ATF3: variants seen among roughly 807,000 people sequenced by gnomAD.
ATF3 encodes activating transcription factor 3.
A neutral mutation model predicts 18.4 loss-of-function variants in ATF3; 10 were observed. The ratio of observed to expected loss-of-function variants is 0.54; its 90% CI spans 0.34 to 0.92. The LOEUF (loss-of-function observed/expected upper bound fraction) is 0.92. Among genes scored for constraint, ATF3 ranks in the 40% least tolerant of loss-of-function variants. The pLI, the probability that ATF3 is intolerant of heterozygous loss-of-function variation, is 0.02. For missense variants in ATF3, 183 were observed against 222.3 expected (o/e 0.82, Z 1.12); for synonymous variants, 78 against 87.9 (o/e 0.89, Z 0.63).
At chr1:212,567,179 C>G (rs1476193319) in intron 1 of ATF3, among the ~76,000 whole-genome samples, 1 of 151,214 alleles carries the variant, frequency 6.6e-6, no homozygotes, top group East Asian at 1.9e-4. Context: ...TTTTTTGAAG[C>G]CCCAGGCACT....
chr1:212,598,758 C>G (rs1173810171), intron 1 of ATF3, among the ~76,000 whole-genome samples: 1 of 152,190 alleles, frequency 6.6e-6, no homozygotes, highest in Non-Finnish European at 1.5e-5. Context: ...TAAAGACCTT[C>G]AGTTTCATCC....
upstream of ATF3, among the ~76,000 whole-genome samples, chr1:212,603,774 ATATG>A (rs1177687036): frequency 1.2e-5 from 1 of 81,946 alleles, no homozygotes; most frequent in Admixed American, 9.3e-5. Context: ...GTGTGTATAT[ATATG>A]TGTGTGTGTG....
At chr1:212,608,235 C>T (rs886894623), upstream of ATF3, among the ~76,000 whole-genome samples, 7 of 152,230 alleles carry the variant, frequency 4.6e-5, no homozygotes, top group Non-Finnish European at 8.8e-5. Flanking sequence ...TTTCCTGAAG[C>T]TCCAGAAAAT....
rs75652943 is a variant in ATF3, at chr1:212,571,076, C to A, written c.-5+5593C>A. Reference sequence around the variant, plus strand: ...AAAGGTGTTATACCATTGTACACTCCCACCAACAATGCATGAGAATTCAGT... The same window carrying A: ...AAAGGTGTTATACCATTGTACACTCACACCAACAATGCATGAGAATTCAGT... On this transcript the variant is annotated intron_variant, in intron 1 of 3. Transcript: ENST00000366981. Among the ~76,000 whole-genome samples, 631 of 152,284 alleles carry A rather than the reference C, an allele frequency of 4.1e-3. 5 individuals carry two copies. Among genetic ancestry groups the A allele is most frequent in the African/African-American group, 0.015 (604 of 41,554 alleles).
chr1:212,595,674 C>T (rs3122722), intron 1 of ATF3, among the ~76,000 whole-genome samples: 143,904 of 152,320 alleles, frequency 0.94, 68,334 homozygotes, highest in Middle Eastern at 0.99. Context: ...AGAAAAGGTG[C>T]GTCCACGGCT....
At chr1:212,577,492 T>C (rs60521851) in intron 1 of ATF3, among the ~76,000 whole-genome samples, 14,700 of 152,160 alleles carry the variant, frequency 0.097, 1,635 homozygotes, top group African/African-American at 0.28. Flanking sequence ...TGTGGTACAG[T>C]AGATCTCAAA....
chr1:212,619,541 A>G lies in ATF3; in HGVS notation c.532A>G (p.Thr178Ala), dbSNP rs1321247820. ...CTTTATCCAACAGATAAAAGAAGGA[A>G]CATTGCAGAGCTAAGCAGTCGTGGT... Reference protein sequence around the residue: ...NLFIQQIKEGTLQS With the variant: ...NLFIQQIKEGALQS Residue 178 changes from threonine to alanine, a missense_variant, in exon 4 of 4, where the codon ACA becomes GCA. By Grantham distance (58) the Thr-to-Ala change is moderately conservative. Transcript: ENST00000341491. The surrounding 1 kb of genome is among the most constrained non-coding windows in gnomAD (Gnocchi z 4.4). 6.2e-7 allele frequency: 1 copy of G among 1,614,174 alleles called. No individual in the cohort carries two copies. The highest frequency in any genetic ancestry group is 8.5e-7 in the Non-Finnish European group (1 of 1,180,002).
chr1:212,612,727 T>C (rs11571534), intron 1 of ATF3, among the ~76,000 whole-genome samples: 5,106 of 152,270 alleles, frequency 0.034, 136 homozygotes, highest in Middle Eastern at 0.051. Flanking sequence ...GCAGATTTCA[T>C]TGGCCTGGAA....
chr1:212,578,067 C>G (rs2102624873), intron 1 of ATF3, among the ~76,000 whole-genome samples: 1 of 152,342 alleles, frequency 6.6e-6, no homozygotes, highest in African/African-American at 2.4e-5. Context: ...GTTTCCTTTT[C>G]TCCACATCCT....
In ATF3 at chr1:212,599,805, T is replaced by C. The variant is rs137979497; in HGVS notation, c.-4-15213T>C. Among the ~76,000 whole-genome samples the C allele has an allele frequency of 1.5e-3, 233 of 152,324 alleles. 1 individual carries two copies. Among genetic ancestry groups the C allele is most frequent in the African/African-American group, 5.2e-3 (215 of 41,570 alleles). ...TCCATCTATCCTAACACCAAGCTTC[T>C]GCCAAAATCCAAAGATGTCTGCCTA... On this transcript the variant is annotated intron_variant, in intron 1 of 3. Coordinates refer to the ATF3 transcript ENST00000366981.
chr1:212,591,510 A>C (rs1272736657), intron 1 of ATF3, among the ~76,000 whole-genome samples: 1 of 152,172 alleles, frequency 6.6e-6, no homozygotes, highest in East Asian at 1.9e-4. Flanking sequence ...CTCGATGGCC[A>C]AGGATTGGCC....
In ATF3 at chr1:212,618,011, T is replaced by C; in HGVS notation, c.241-116T>C. 3.1e-6 allele frequency: 3 copies of C among 980,700 alleles called. No individual in the cohort carries two copies. Among genetic ancestry groups the C allele is most frequent in the Non-Finnish European group, 4.7e-6 (3 of 635,512 alleles). 60.7% of individuals were successfully genotyped at this position (980,700 alleles called of 1,614,324 possible). A position where few individuals can be genotyped will look rare whatever the true frequency, so the allele number is the denominator to read the frequency against. ...TCTAGAGCTTTAGTATTTCGGGGTC[T>C]TTTAGCGCTAGCATTGCCCTTGTCT... On this transcript the variant is annotated intron_variant, in intron 2 of 3. Coordinates refer to ENST00000341491, the MANE Select transcript of ATF3 (RefSeq NM_001674.4). The surrounding 1 kb of genome is among the most constrained non-coding windows in gnomAD (Gnocchi z 4.4).
chr1:212,568,684 T>A (rs1172609652), intron 1 of ATF3, among the ~76,000 whole-genome samples: 2 of 152,200 alleles, frequency 1.3e-5, no homozygotes, highest in Non-Finnish European at 2.9e-5. Context: ...ATTTAGTGTG[T>A]CCTCCTGGTG....
In ATF3 at chr1:212,618,200, A is replaced by G; in HGVS notation, c.314A>G (p.Asn105Ser). ...RNKIAAAKCR[N>S]KKKEKTECLQ... Reference sequence around the variant, plus strand: ...AAGATTGCAGCTGCAAAGTGCCGAAACAAGAAGAAGGAGAAGACGGAGTGC... The same window carrying G: ...AAGATTGCAGCTGCAAAGTGCCGAAGCAAGAAGAAGGAGAAGACGGAGTGC... Residue 105 changes from asparagine (N) to serine (S), a missense_variant, in exon 3 of 4, where the codon AAC becomes AGC. Physicochemically the swap from Asn to Ser is conservative, Grantham distance 46 (BLOSUM62 1). Coordinates refer to ENST00000341491, the MANE Select transcript of ATF3 (RefSeq NM_001674.4). The surrounding 1 kb of genome is among the most constrained non-coding windows in gnomAD (Gnocchi z 4.4). 2 of 1,614,156 alleles carry G rather than the reference A, an allele frequency of 1.2e-6. No homozygotes were observed. Among genetic ancestry groups the G allele is most frequent in the Non-Finnish European group, 1.7e-6 (2 of 1,179,990 alleles).
At position 212,619,748 on chromosome 1, in the gene ATF3, G is replaced by A. The variant is rs1243361568; in HGVS notation, c.*193G>A. ...TGCCCCAGAGTGGGTCTTGGACCAGGGCAAGTGCATCTTTGCCTCAACTCC... is the reference window on the plus strand; with the variant it reads ...TGCCCCAGAGTGGGTCTTGGACCAGAGCAAGTGCATCTTTGCCTCAACTCC... On this transcript the variant is annotated 3_prime_UTR_variant, in exon 4 of 4. Coordinates refer to ENST00000341491, the MANE Select transcript of ATF3 (RefSeq NM_001674.4). The surrounding 1 kb of genome is among the most constrained non-coding windows in gnomAD (Gnocchi z 4.4). 10 of 651,776 alleles carry A rather than the reference G, an allele frequency of 1.5e-5. No individual in the cohort carries two copies. Among genetic ancestry groups the A allele is most frequent in the Non-Finnish European group, 2.0e-5 (8 of 396,568 alleles). The allele number at this position is 651,776 out of a possible 1,614,324, so 40.4% of individuals were successfully genotyped here. A position where few individuals can be genotyped will look rare whatever the true frequency, so the allele number is the denominator to read the frequency against.
rs996721393 is a variant in ATF3, at chr1:212,608,950, G to A, written c.-5+20G>A. 6.6e-6 allele frequency: 1 copy of A among 152,274 alleles called. No homozygotes were observed. The highest frequency in any genetic ancestry group is 2.4e-5 in the African/African-American group (1 of 41,396). The allele number at this position is 152,274 out of a possible 1,614,324, so 9.4% of individuals were successfully genotyped here. A position where few individuals can be genotyped will look rare whatever the true frequency, so the allele number is the denominator to read the frequency against. ...CTGGAGGTGAGCGCTGGAAGCCGAG[G>A]GAGTGAGCGCGACGAGGGCTGCTCG... On this transcript the variant is annotated intron_variant, in intron 1 of 3. Transcript: ENST00000341491.
intron 1 of ATF3, among the ~76,000 whole-genome samples, chr1:212,574,811 T>C (rs1664545091): frequency 6.6e-6 from 1 of 152,152 alleles, no homozygotes; most frequent in Non-Finnish European, 1.5e-5. Context: ...TCCTTGTGTA[T>C]ATAGGTTATT....
chr1:212,618,938 G>C lies in ATF3; in HGVS notation c.349-420G>C. On this transcript the variant is annotated intron_variant, in intron 3 of 3. Coordinates refer to ENST00000341491, the MANE Select transcript of ATF3 (RefSeq NM_001674.4). The surrounding 1 kb of genome is among the most constrained non-coding windows in gnomAD (Gnocchi z 4.4). ...TGCTTCAGGGGATCAGTGAAAATTA[G>C]GGAATTTTGTGTGTTGCTATATACA... 7.0e-7 allele frequency: 1 copy of C among 1,425,852 alleles called. No individual in the cohort carries two copies. Among genetic ancestry groups the C allele is most frequent in the Non-Finnish European group, 9.8e-7 (1 of 1,020,314 alleles). 88.3% of individuals were successfully genotyped at this position (1,425,852 alleles called of 1,614,324 possible).
chr1:212,611,813 T>G (rs1654904636), intron 1 of ATF3, among the ~76,000 whole-genome samples: 1 of 152,198 alleles, frequency 6.6e-6, no homozygotes, highest in Admixed American at 6.5e-5. Flanking sequence ...ATGATGAAAC[T>G]GCCAATGATA....
Sources: gnomAD v4.1 joint callset for allele counts (sites outside exome capture counted in the v4.1 genomes callset) on GRCh38, gnomAD v4.1.1 for gene constraint, Gnocchi (gnomAD v3.1) non-coding constraint, MANE v1.5 for transcripts, NCBI Gene and HGNC (gene_info 2026-07-23, HGNC 2026-07-21) for gene names.